Variants in MEGF11 observed in about 807,000 individuals in gnomAD.
MEGF11 encodes multiple EGF like domains 11, also known as multiple epidermal growth factor-like domains protein 11.
MEGF11 carries 126 observed loss-of-function variants against 146.6 expected under a neutral mutation model. The ratio of observed to expected loss-of-function variants is 0.86; its 90% confidence interval spans 0.74 to 1.00. The LOEUF (loss-of-function observed/expected upper bound fraction) is 1.00, where lower values mean the gene tolerates loss of function less well. Ranked by LOEUF, MEGF11 falls within the 50% of genes least tolerant of loss-of-function variation. The pLI, the probability that MEGF11 is intolerant of heterozygous loss-of-function variation, is 0.00. For missense variants in MEGF11, 1,509 were observed against 1,521.2 expected, an observed-to-expected ratio of 0.99 and a Z score of 0.13; for synonymous variants, 532 against 583.4, an observed-to-expected ratio of 0.91 and a Z score of 1.27.
intron 23 of MEGF11, among the ~76,000 whole-genome samples, chr15:65,907,016 T>C (rs1011900144): frequency 6.6e-6 from 1 of 152,180 alleles, no homozygotes; most frequent in Non-Finnish European, 1.5e-5. Flanking sequence ...GGGACAGTAA[T>C]GACTCTGGCT....
At chr15:66,116,243 T>A (rs1379906626) in intron 4 of MEGF11, among the ~76,000 whole-genome samples, 10 of 152,252 alleles carry the variant, frequency 6.6e-5, no homozygotes, top group African/African-American at 2.2e-4. Flanking sequence ...CTTTTTCACA[T>A]CCAGTCTCTG....
intron 1 of MEGF11, among the ~76,000 whole-genome samples, chr15:66,156,536 T>C (rs1321711405): frequency 6.6e-6 from 1 of 151,936 alleles, no homozygotes; most frequent in Non-Finnish European, 1.5e-5. Context: ...CCACTCCCTG[T>C]GTCAGGACAC....
intron 1 of MEGF11, among the ~76,000 whole-genome samples, chr15:66,178,220 A>G (rs892906497): frequency 2.0e-5 from 3 of 152,148 alleles, no homozygotes; most frequent in Non-Finnish European, 4.4e-5. Context: ...TCCTGGGCTC[A>G]AGCGATCTGC....
At chr15:65,963,030 G>A (rs541738541) in intron 9 of MEGF11, among the ~76,000 whole-genome samples, 1 of 152,308 alleles carries the variant, frequency 6.6e-6, no homozygotes, top group Non-Finnish European at 1.5e-5. Flanking sequence ...ATTATACAGG[G>A]CATGGTTGCC....
At chr15:65,959,191 C>T (rs1423690730) in intron 9 of MEGF11, among the ~76,000 whole-genome samples, 2 of 152,178 alleles carry the variant, frequency 1.3e-5, no homozygotes, top group South Asian at 2.1e-4. Context: ...GGGGGAGAGC[C>T]GTTTGTCTTG....
intron 1 of MEGF11, among the ~76,000 whole-genome samples, chr15:66,149,250 G>A (rs985835353): frequency 6.6e-6 from 1 of 152,198 alleles, no homozygotes; most frequent in Non-Finnish European, 1.5e-5. Context: ...GCCACATAGA[G>A]GAAAAGTCCT....
At chr15:66,082,310 A>G (rs1385931612) in intron 5 of MEGF11, among the ~76,000 whole-genome samples, 1 of 150,804 alleles carries the variant, frequency 6.6e-6, no homozygotes, top group Non-Finnish European at 1.5e-5. Context: ...ATAGTTGGCC[A>G]GGCGTGGTGG....
intron 1 of MEGF11, among the ~76,000 whole-genome samples, chr15:66,246,462 A>C (rs576586875): frequency 6.6e-6 from 1 of 151,968 alleles, no homozygotes; most frequent in Non-Finnish European, 1.5e-5. Context: ...CAGTTTAGGC[A>C]TATAGGTTTC....
intron 15 of MEGF11, among the ~76,000 whole-genome samples, chr15:65,918,298 T>C (rs1450215754): frequency 6.6e-6 from 1 of 152,228 alleles, no homozygotes; most frequent in Non-Finnish European, 1.5e-5. Flanking sequence ...TGCCTACAGC[T>C]GCATTCTTCA....
chr15:66,008,763 G>T (rs2140098367), intron 5 of MEGF11, among the ~76,000 whole-genome samples: 1 of 150,738 alleles, frequency 6.6e-6, no homozygotes, highest in African/African-American at 2.4e-5. Context: ...GTTCAAGATT[G>T]AAGTGAACCA....
chr15:65,913,529 G>T, intron 20 of MEGF11: 1 of 601,746 alleles, frequency 1.7e-6, no homozygotes, highest in Non-Finnish European at 3.0e-6. Flanking sequence ...AACCACAGCT[G>T]CTCAGAGCTA....
chr15:65,951,752 A>T (rs1226784202), intron 10 of MEGF11, among the ~76,000 whole-genome samples: 3 of 152,198 alleles, frequency 2.0e-5, no homozygotes, highest in South Asian at 2.1e-4. Flanking sequence ...ATACAAGAAG[A>T]TATTTTAAGC....
chr15:66,073,112 A>T (rs2085434602), intron 5 of MEGF11, among the ~76,000 whole-genome samples: 1 of 152,212 alleles, frequency 6.6e-6, no homozygotes, highest in Non-Finnish European at 1.5e-5. Flanking sequence ...GTCCCCAAGC[A>T]ATCTAAGACA....
intron 15 of MEGF11, among the ~76,000 whole-genome samples, chr15:65,921,180 C>T (rs1465657517): frequency 6.6e-6 from 1 of 152,132 alleles, no homozygotes; most frequent in East Asian, 1.9e-4. Flanking sequence ...AATGGGTTCC[C>T]CTGGGAGGTA....
intron 1 of MEGF11, among the ~76,000 whole-genome samples, chr15:66,144,388 T>G (rs1256437713): frequency 6.6e-6 from 1 of 152,064 alleles, no homozygotes; most frequent in Non-Finnish European, 1.5e-5. Context: ...CTTCGTCTCT[T>G]TCTCCCTTCC....
chr15:66,069,809 A>G (rs1485541370), intron 5 of MEGF11, among the ~76,000 whole-genome samples: 1 of 152,226 alleles, frequency 6.6e-6, no homozygotes, highest in African/African-American at 2.4e-5. Context: ...CAGATAATAA[A>G]TATTTTCTGT....
At chr15:65,998,004 C>T (rs998109225) in intron 5 of MEGF11, among the ~76,000 whole-genome samples, 1 of 151,516 alleles carries the variant, frequency 6.6e-6, no homozygotes, top group East Asian at 1.9e-4. Flanking sequence ...TGGGGAAAGG[C>T]TTGGTAGAGT....
At chr15:66,132,045 G>T (rs867925807) in intron 1 of MEGF11, among the ~76,000 whole-genome samples, 1 of 152,198 alleles carries the variant, frequency 6.6e-6, no homozygotes, top group Non-Finnish European at 1.5e-5. Flanking sequence ...ATGCCGCCAG[G>T]TTGCTTAAGG....
chr15:65,918,248 C>T (rs1378385206), intron 15 of MEGF11, among the ~76,000 whole-genome samples, 154 bp from the exon 16 acceptor site: 1 of 152,240 alleles, frequency 6.6e-6, no homozygotes. Flanking sequence ...GTACCCTTGT[C>T]ACCCTTCTCC....
Sources: allele counts gnomAD v4.1 joint callset (sites outside exome capture counted in the v4.1 genomes callset), GRCh38; gene constraint gnomAD v4.1.1; transcripts MANE v1.5; gene names NCBI Gene and HGNC (gene_info 2026-07-23, HGNC 2026-07-21).